Variants in LPP observed in about 807,000 individuals in gnomAD.
LPP encodes lipoma-preferred partner.
Under a neutral mutation model 60.4 loss-of-function variants are expected in LPP, and 38 were observed. The ratio of observed to expected loss-of-function variants is 0.63; its 90% confidence interval spans 0.49 to 0.83. The LOEUF (loss-of-function observed/expected upper bound fraction) is 0.83. Among genes scored for constraint, LPP ranks in the 40% least tolerant of loss-of-function variants. The pLI, the probability that LPP is intolerant of heterozygous loss-of-function variation, is 0.00. For missense variants in LPP, 902 were observed against 783.6 expected, an observed-to-expected ratio of 1.15 and a Z score of -1.80; for synonymous variants, 328 against 290.8, an observed-to-expected ratio of 1.13 and a Z score of -1.30.
At chr3:188,473,560 G>T (rs1802394488) in intron 4 of LPP, among the ~76,000 whole-genome samples, 1 of 152,184 alleles carries the variant, frequency 6.6e-6, no homozygotes, top group African/African-American at 2.4e-5. Flanking sequence ...CTAAAGTCAA[G>T]TCTGGGTGTA....
chr3:188,400,257 G>A (rs912287026), intron 3 of LPP, among the ~76,000 whole-genome samples: 2 of 152,144 alleles, frequency 1.3e-5, no homozygotes, highest in African/African-American at 2.4e-5. Context: ...TCTCCAAATA[G>A]GGAGGTAGTA....
intron 5 of LPP, among the ~76,000 whole-genome samples, chr3:188,501,253 T>C (rs747639137): frequency 1.3e-5 from 2 of 152,210 alleles, no homozygotes; most frequent in African/African-American, 2.4e-5. Flanking sequence ...TTTTCTTTCA[T>C]GTTCATTCAT....
intron 4 of LPP, among the ~76,000 whole-genome samples, chr3:188,456,633 T>C (rs894644071): frequency 2.6e-5 from 4 of 152,210 alleles, no homozygotes; most frequent in African/African-American, 9.6e-5. Flanking sequence ...CAAGAAGGAT[T>C]GCGTTTCTTT....
intron 8 of LPP, among the ~76,000 whole-genome samples, chr3:188,714,186 A>G (rs1013790931): frequency 4.6e-5 from 7 of 152,160 alleles, no homozygotes; most frequent in African/African-American, 1.7e-4. Context: ...ATCATAATAC[A>G]TTACCATTAC....
chr3:188,708,190 C>T lies in LPP; in HGVS notation c.1114-77C>T, dbSNP rs138722142. On this transcript the variant is annotated intron_variant, in intron 7 of 11. Transcript: ENST00000617246. ...AGTGCTTTTTCCTCTCCAGTGCAAT[C>T]GCTGCTTGTTTAGGCTGACTGCCTT... 803 of 1,541,822 alleles carry T rather than the reference C, an allele frequency of 5.2e-4. 1 individual carries two copies. Among genetic ancestry groups the T allele is most frequent in the Non-Finnish European group, 6.0e-4 (680 of 1,134,050 alleles).
At chr3:188,228,776 A>C (rs1292740027) in intron 2 of LPP, among the ~76,000 whole-genome samples, 1 of 152,062 alleles carries the variant, frequency 6.6e-6, no homozygotes, top group Non-Finnish European at 1.5e-5. Context: ...ACATCCCTTC[A>C]CCCTTATTTT....
Position 188,859,397 on chromosome 3 carries a change from G to C in LPP, c.1411-6803G>C, listed in dbSNP as rs74697321. ...CTGCCTGCTCTCTCACCATTCATAA[G>C]TAATTACTCTCTTCTCTGCATTCCC... On this transcript the variant is annotated intron_variant, in intron 9 of 11. Coordinates refer to ENST00000617246, the MANE Select transcript of LPP (RefSeq NM_001375462.1). Among the ~76,000 whole-genome samples, 1,385 of 152,214 alleles carry C rather than the reference G, an allele frequency of 9.1e-3. 18 individuals carry two copies. Among genetic ancestry groups the C allele is most frequent in the African/African-American group, 0.032 (1,318 of 41,528 alleles).
At chr3:188,508,091 C>T (rs1814101523) in intron 5 of LPP, among the ~76,000 whole-genome samples, 1 of 152,122 alleles carries the variant, frequency 6.6e-6, no homozygotes, top group Non-Finnish European at 1.5e-5. Flanking sequence ...GTCTTGGAGT[C>T]ACCTTCAGGG....
At chr3:188,155,423 C>T (rs1168516696) in intron 1 of LPP, among the ~76,000 whole-genome samples, 1 of 152,198 alleles carries the variant, frequency 6.6e-6, no homozygotes, top group East Asian at 1.9e-4. Flanking sequence ...GTGTTGATGA[C>T]TTAATGGCTT....
chr3:188,518,352 A>T (rs58118434), intron 5 of LPP, among the ~76,000 whole-genome samples: 1 of 152,118 alleles, frequency 6.6e-6, no homozygotes, highest in African/African-American at 2.4e-5. Flanking sequence ...TGAAACTACC[A>T]TTGAAAAGAA....
chr3:188,668,369 G>T (rs1464895512), intron 7 of LPP, among the ~76,000 whole-genome samples: 3 of 152,160 alleles, frequency 2.0e-5, no homozygotes, highest in Non-Finnish European at 4.4e-5. Context: ...CAAAGTGGGT[G>T]TTGGGAGGTG....
chr3:188,860,734 A>G (rs192029283), intron 9 of LPP, among the ~76,000 whole-genome samples: 1 of 152,246 alleles, frequency 6.6e-6, no homozygotes, highest in African/African-American at 2.4e-5. Flanking sequence ...TTATGCAAGC[A>G]TACTGTTGTA....
chr3:188,642,305 T>G (rs966553557), intron 7 of LPP, among the ~76,000 whole-genome samples: 6 of 152,234 alleles, frequency 3.9e-5, no homozygotes, highest in Admixed American at 2.6e-4. Flanking sequence ...AATTTTCTCA[T>G]GTGGCTCAGC....
rs181393294 is a variant in LPP at position 188,850,161 on chromosome 3, A to G, written c.1411-16039A>G. 4.5e-3 allele frequency among the ~76,000 whole-genome samples: 684 copies of G among 152,354 alleles called. 1 individual carries two copies. The highest frequency in any genetic ancestry group is 0.017 in the Middle Eastern group (5 of 294). ...GCTATTGTGTTTTACACAGATCAAT[A>G]TGATGGTAGAATGAAACAGAGAAAA... On this transcript the variant is annotated intron_variant, in intron 9 of 11. Coordinates refer to ENST00000617246, the MANE Select transcript of LPP (RefSeq NM_001375462.1).
At chr3:188,296,486 G>A (rs1239782977) in intron 2 of LPP, among the ~76,000 whole-genome samples, 1 of 152,190 alleles carries the variant, frequency 6.6e-6, no homozygotes, top group African/African-American at 2.4e-5. Context: ...CACATTTAGT[G>A]TGGTTACAGT....
chr3:188,157,254 G>C (rs1166601709), intron 1 of LPP, among the ~76,000 whole-genome samples: 1 of 152,028 alleles, frequency 6.6e-6, no homozygotes, highest in East Asian at 1.9e-4. Context: ...TGCTGCTGCT[G>C]TCACCTTTAT....
intron 1 of LPP, among the ~76,000 whole-genome samples, chr3:188,181,244 T>A (rs1473729648): frequency 6.6e-6 from 1 of 150,948 alleles, no homozygotes. Flanking sequence ...TCCCAGCTAC[T>A]CAGGAGGCTG....
chr3:188,835,315 A>T (rs1758151132), intron 9 of LPP, among the ~76,000 whole-genome samples: 1 of 151,670 alleles, frequency 6.6e-6, no homozygotes, highest in Admixed American at 6.6e-5. Context: ...AAAAAAAAAA[A>T]AAAATCAGCT....
chr3:188,767,752 G>C (rs774575372), intron 9 of LPP, among the ~76,000 whole-genome samples: 1 of 152,106 alleles, frequency 6.6e-6, no homozygotes, highest in Non-Finnish European at 1.5e-5. Flanking sequence ...TGCTAACACT[G>C]CATAGCAATG....
Sources: gnomAD v4.1 joint callset for allele counts (sites outside exome capture counted in the v4.1 genomes callset) on GRCh38, gnomAD v4.1.1 for gene constraint, MANE v1.5 for transcripts, NCBI Gene and HGNC (gene_info 2026-07-23, HGNC 2026-07-21) for gene names.